Variants in PSME3IP1 observed in about 807,000 individuals in gnomAD.
PSME3IP1 encodes proteasome activator subunit 3 interacting protein 1.
A neutral mutation model predicts 34.1 loss-of-function variants in PSME3IP1; 13 were observed. The ratio of observed to expected loss-of-function variants is 0.38; its 90% CI spans 0.25 to 0.61. PSME3IP1 has a LOEUF of 0.61. Ranked by LOEUF, PSME3IP1 falls within the 20% of genes least tolerant of loss-of-function variation. The pLI is 0.60. For missense variants in PSME3IP1, 237 were observed against 301.4 expected (o/e 0.79, Z 1.58); for synonymous variants, 93 against 114.3 (o/e 0.81, Z 1.19).
chr16:57,167,562 G>GA (rs535012639), intron 4 of PSME3IP1, among the ~76,000 whole-genome samples: 24 of 150,946 alleles, frequency 1.6e-4, no homozygotes, highest in Non-Finnish European at 3.1e-4. Flanking sequence ...AAAGAAAACA[G>GA]AAAAAAAAAT....
chr16:57,172,954 C>T, intron 2 of PSME3IP1, 80 bp from the exon 3 acceptor site: 4 of 967,226 alleles, frequency 4.1e-6, no homozygotes, highest in Non-Finnish European at 6.6e-6. Flanking sequence ...ATTTTGGAAT[C>T]ACAAAAGGTT....
At chr16:57,171,415 A>G (rs2072576276) in intron 4 of PSME3IP1, among the ~76,000 whole-genome samples, 1 of 152,248 alleles carries the variant, frequency 6.6e-6, no homozygotes, top group Non-Finnish European at 1.5e-5. Context: ...GGAACCCACT[A>G]GACTGTTTCA....
intron 1 of PSME3IP1, chr16:57,178,986 CTT>C (rs2145928899): frequency 5.6e-6 from 1 of 177,936 alleles, no homozygotes; most frequent in East Asian, 1.9e-4. Flanking sequence ...TTCTTTTTCC[CTT>C]TTGTTTGCTA....
Position 57,154,476 on chromosome 16 carries a change from G to A in PSME3IP1, c.579C>T (p.Thr193=). 17 of 1,612,862 alleles carry A rather than the reference G, an allele frequency of 1.1e-5. No individual in the cohort carries two copies. The highest frequency in any genetic ancestry group is 1.4e-5 in the Non-Finnish European group (17 of 1,179,176). Residue 193 remains threonine, a synonymous_variant, in exon 7 of 7, where the codon ACC becomes ACT. Transcript: ENST00000309137. This position sits in a 1 kb window ranked among gnomAD's most constrained non-coding sequence, Gnocchi z 4.0. The part of the protein sequence containing the change: ...EPSSCKSLGN[T]SLSGPSIHCP... ...AGTGGATGGAGGGGCCACTCAGGGA[G>A]GTGTTTCCGAGAGACTTGCAGGATG...
At chr16:57,181,760 C>T (rs2073735247) in intron 1 of PSME3IP1, 1 of 152,220 alleles carries the variant, frequency 6.6e-6, no homozygotes, top group South Asian at 2.1e-4. Flanking sequence ...TAGAGGAACA[C>T]TTTACTTACA....
intron 6 of PSME3IP1, among the ~76,000 whole-genome samples, chr16:57,159,093 G>A (rs1466119568): frequency 2.0e-5 from 3 of 152,194 alleles, no homozygotes; most frequent in African/African-American, 7.2e-5. Flanking sequence ...TAGAAAAGAA[G>A]GATGAAAGTC....
chr16:57,174,204 G>T (rs2072947260), intron 1 of PSME3IP1: 1 of 198,376 alleles, frequency 5.0e-6, no homozygotes, highest in South Asian at 8.9e-5. Context: ...TGAGGCAGGA[G>T]AATCGCTTGA....
intron 6 of PSME3IP1, among the ~76,000 whole-genome samples, chr16:57,155,575 C>T (rs2070419759): frequency 6.6e-6 from 1 of 152,056 alleles, no homozygotes; most frequent in Non-Finnish European, 1.5e-5. Context: ...CAAGACCACC[C>T]AAGGTGGGTG....
intron 6 of PSME3IP1, among the ~76,000 whole-genome samples, chr16:57,156,374 C>T (rs1385077178): frequency 6.6e-6 from 1 of 152,196 alleles, no homozygotes; most frequent in Non-Finnish European, 1.5e-5. Flanking sequence ...TACCCAGACA[C>T]CTCAAGTAAA....
At position 57,167,235 on chromosome 16, in the gene PSME3IP1, C is replaced by T. The variant is rs1424258063; in HGVS notation, c.349-9G>A. On this transcript the variant is annotated splice_polypyrimidine_tract_variant and intron_variant, in intron 4 of 6. Coordinates refer to ENST00000309137, the MANE Select transcript of PSME3IP1 (RefSeq NM_024946.4). ...ACCTTCTTGAGGTTATTGTGAGTTA[C>T]CAGTTAAGGGTCAAACTAAGCAAAA... 6.2e-7 allele frequency: 1 copy of T among 1,614,188 alleles called. No homozygotes were observed. The highest frequency in any genetic ancestry group is 2.2e-5 in the East Asian group (1 of 44,886).
At chr16:57,182,057 C>T (rs2073766630) in intron 1 of PSME3IP1, among the ~76,000 whole-genome samples, 1 of 152,160 alleles carries the variant, frequency 6.6e-6, no homozygotes, top group South Asian at 2.1e-4. Context: ...TCCCAACCCT[C>T]TAATCCTGCC....
At chr16:57,176,911 G>C (rs1161692370) in intron 1 of PSME3IP1, among the ~76,000 whole-genome samples, 1 of 151,974 alleles carries the variant, frequency 6.6e-6, no homozygotes, top group Non-Finnish European at 1.5e-5. Flanking sequence ...CCGGAGTGCA[G>C]TGGCACGATC....
intron 5 of PSME3IP1, 92 bp from the exon 6 acceptor site, chr16:57,164,157 CT>C: frequency 9.6e-7 from 1 of 1,036,500 alleles, no homozygotes; most frequent in Non-Finnish European, 1.5e-6. Context: ...TTATATGGGT[CT>C]TAGGCAGTCT....
intron 4 of PSME3IP1, among the ~76,000 whole-genome samples, chr16:57,170,454 C>T (rs1448808092): frequency 6.6e-6 from 1 of 152,234 alleles, no homozygotes. Context: ...TACATATACA[C>T]AGTAATGTCG....
chr16:57,180,426 C>T (rs1237296085), intron 1 of PSME3IP1, among the ~76,000 whole-genome samples: 1 of 151,690 alleles, frequency 6.6e-6, no homozygotes, highest in African/African-American at 2.4e-5. Flanking sequence ...CCCATTTCTA[C>T]TAAAAATACA....
chr16:57,170,669 G>A (rs756304247), intron 4 of PSME3IP1, among the ~76,000 whole-genome samples: 22 of 152,222 alleles, frequency 1.4e-4, no homozygotes, highest in Non-Finnish European at 2.9e-4. Flanking sequence ...AAGTCAGATA[G>A]TCTTTTTTCT....
chr16:57,185,855 C>T lies in PSME3IP1; in HGVS notation c.-50G>A. On this transcript the variant is annotated 5_prime_UTR_variant, in exon 1 of 7. Transcript: ENST00000309137. Reference sequence around the variant, plus strand: ...CGCGGGAGGCGAGACGACCTCACCTCGGCGGCGCCCACCCCAAACCGCCAC... The same window carrying T: ...CGCGGGAGGCGAGACGACCTCACCTTGGCGGCGCCCACCCCAAACCGCCAC... 10 of 984,890 alleles carry T rather than the reference C, an allele frequency of 1.0e-5. No individual in the cohort carries two copies. Among genetic ancestry groups the T allele is most frequent in the Non-Finnish European group, 1.2e-5 (10 of 829,892 alleles). The allele number at this position is 984,890 out of a possible 1,614,324, so 61.0% of individuals were successfully genotyped here.
At chr16:57,179,966 G>A (rs1567447705) in intron 1 of PSME3IP1, among the ~76,000 whole-genome samples, 2 of 152,162 alleles carry the variant, frequency 1.3e-5, no homozygotes, top group South Asian at 2.1e-4. Flanking sequence ...CCAAGATACA[G>A]TTATTTAGAT....
intron 1 of PSME3IP1, among the ~76,000 whole-genome samples, chr16:57,176,416 A>T (rs1228978524): frequency 6.6e-6 from 1 of 152,184 alleles, no homozygotes; most frequent in Non-Finnish European, 1.5e-5. Flanking sequence ...TTTACCATAC[A>T]CACCCAGGAG....
Sources: allele counts gnomAD v4.1 joint callset (sites outside exome capture counted in the v4.1 genomes callset), GRCh38; gene constraint gnomAD v4.1.1; non-coding constraint Gnocchi (gnomAD v3.1); transcripts MANE v1.5; gene names NCBI Gene and HGNC (gene_info 2026-07-23, HGNC 2026-07-21).